JPH2: variants seen among roughly 807,000 people sequenced by gnomAD.
JPH2 encodes junctophilin-2.
A neutral mutation model predicts 55.9 loss-of-function variants in JPH2; 38 were observed. The ratio of observed to expected loss-of-function variants is 0.68; its 90% confidence interval spans 0.52 to 0.89. JPH2 has a LOEUF of 0.89. Among genes scored for constraint, JPH2 ranks in the 40% least tolerant of loss-of-function variants. The pLI, the probability that JPH2 is intolerant of heterozygous loss-of-function variation, is 0.00. For missense variants in JPH2, 964 were observed against 1,037.6 expected, an observed-to-expected ratio of 0.93 and a Z score of 0.97; for synonymous variants, 480 against 472.4, an observed-to-expected ratio of 1.02 and a Z score of -0.21.
In JPH2 at chr20:44,159,979, C is replaced by T; in HGVS notation, c.808G>A (p.Ala270Thr). ...GGTGCGGCCTCGTCGGCGCCCTCGG[C>T]GGCCTCTCCCAGGCTGGCGGTGGAC... ...AASTASLGEA[A>T]EGADEAAPFE... Residue 270 changes from alanine (A) to threonine (T), a missense_variant, in exon 2 of 6, where the codon GCC (alanine) becomes ACC (threonine). Ala to Thr is a moderately conservative substitution (Grantham distance 58, BLOSUM62 0). Coordinates refer to ENST00000372980, the MANE Select transcript of JPH2 (RefSeq NM_020433.5). The surrounding 1 kb of genome is among the most constrained non-coding windows in gnomAD (Gnocchi z 5.7). 2 of 1,590,840 alleles carry T rather than the reference C, an allele frequency of 1.3e-6. No homozygotes were observed. Among genetic ancestry groups the T allele is most frequent in the Non-Finnish European group, 1.7e-6 (2 of 1,173,136 alleles).
intron 2 of JPH2, among the ~76,000 whole-genome samples, chr20:44,144,864 C>T (rs1484080646): frequency 2.0e-5 from 3 of 152,216 alleles, no homozygotes; most frequent in African/African-American, 7.2e-5. Context: ...CTCAGAGATG[C>T]CCTGTCCATG....
At chr20:44,128,048 GT>G (rs760838257) in intron 2 of JPH2, among the ~76,000 whole-genome samples, 70 of 152,062 alleles carry the variant, frequency 4.6e-4, no homozygotes, top group Non-Finnish European at 1.0e-3. Context: ...TTTACAAATA[GT>G]TTTCCCATTC....
In JPH2 at chr20:44,160,088, T is replaced by C; in HGVS notation, c.699A>G (p.Ala233=). 1 of 1,531,878 alleles carries C rather than the reference T, an allele frequency of 6.5e-7. No homozygotes were observed. The highest frequency in any genetic ancestry group is 1.4e-5 in the African/African-American group (1 of 72,920). The allele number at this position is 1,531,878 out of a possible 1,614,324, so 94.9% of individuals were successfully genotyped here. ...GGCTACCCACGGACGTGCGCGACTC[T>C]GCGCGCCGCAGCTTGCCCAGCAGCG... ...RGALLGKLRR[A]ESRTSVGSQR... The change falls in exon 2 of 6, where the codon GCA becomes GCG. Residue 233 remains alanine, a synonymous_variant. Coordinates refer to ENST00000372980, the MANE Select transcript of JPH2 (RefSeq NM_020433.5). This position sits in a 1 kb window ranked among gnomAD's most constrained non-coding sequence, Gnocchi z 4.9.
chr20:44,136,230 T>C (rs1397689514), intron 2 of JPH2, among the ~76,000 whole-genome samples: 2 of 152,194 alleles, frequency 1.3e-5, no homozygotes, highest in African/African-American at 4.8e-5. Context: ...TTGGGGAACC[T>C]GGAGGCCTCA....
rs1555855732 is a variant in JPH2 at position 44,134,355 on chromosome 20, T to TTTATA, written c.1170-15733_1170-15732insTATAA. 7.9e-4 allele frequency among the ~76,000 whole-genome samples: 4 copies of TTTATA among 5,050 alleles called. 2 individuals are homozygous for TTTATA. Among genetic ancestry groups the TTTATA allele is most frequent in the Admixed American group, 8.7e-3 (2 of 230 alleles). 3.3% of individuals were successfully genotyped at this position (5,050 alleles called of 152,430 possible). ...ATATATAATAAATATTTATTATAAA[T>TTTATA]ATATATATTTATTATAAATATATAT... On this transcript the variant is annotated intron_variant, in intron 2 of 5. Coordinates refer to ENST00000372980, the MANE Select transcript of JPH2 (RefSeq NM_020433.5).
At position 44,108,730 on chromosome 20, in the gene JPH2, G is replaced by A. The variant is rs767494614; in HGVS notation, c.*4788C>T. Reference sequence around the variant, plus strand: ...GAATGGTGAATGTTCTGACACATGAGGTGCCCTGGCATCTGTTGCCGTACA... The same window carrying A: ...GAATGGTGAATGTTCTGACACATGAAGTGCCCTGGCATCTGTTGCCGTACA... On this transcript the variant is annotated 3_prime_UTR_variant, in exon 6 of 6. Transcript: ENST00000372980. Among the ~76,000 whole-genome samples the A allele has an allele frequency of 1.3e-5, 2 of 152,058 alleles. No homozygotes were observed. Among genetic ancestry groups the A allele is most frequent in the African/African-American group, 2.4e-5 (1 of 41,392 alleles).
Position 44,118,044 on chromosome 20 carries a change from T to C in JPH2, c.1288+461A>G, listed in dbSNP as rs1352642843. Among the ~76,000 whole-genome samples the C allele has an allele frequency of 2.6e-5, 4 of 152,246 alleles. No individual in the cohort carries two copies. The East Asian group carries it at 5.8e-4, about 22-fold the overall frequency. On this transcript the variant is annotated intron_variant, in intron 3 of 5. Transcript: ENST00000372980. ...TTTGAATGAATGCAGAGTCTGTTTA[T>C]GGTACCCCTAGCTCTGTTGTTTTTG... is the stretch of plus-strand genomic sequence containing the variant.
At chr20:44,126,501 T>TC (rs948374642) in intron 2 of JPH2, among the ~76,000 whole-genome samples, 6 of 151,944 alleles carry the variant, frequency 3.9e-5, no homozygotes, top group Non-Finnish European at 7.4e-5. Flanking sequence ...TAGCCCCTCA[T>TC]CCCCAGCTCT....
At chr20:44,121,308 T>C (rs2145842566) in intron 2 of JPH2, among the ~76,000 whole-genome samples, 1 of 152,186 alleles carries the variant, frequency 6.6e-6, no homozygotes, top group African/African-American at 2.4e-5. Flanking sequence ...CAAGTCAGAG[T>C]GTCCACTCTC....
intron 2 of JPH2, among the ~76,000 whole-genome samples, chr20:44,150,849 G>C (rs918167666): frequency 6.6e-6 from 1 of 151,966 alleles, no homozygotes; most frequent in African/African-American, 2.4e-5. Flanking sequence ...AACATAGCAA[G>C]ACCTCGTCTC....
At chr20:44,149,406 G>A (rs545959267) in intron 2 of JPH2, among the ~76,000 whole-genome samples, 1 of 152,356 alleles carries the variant, frequency 6.6e-6, no homozygotes, top group South Asian at 2.1e-4. Context: ...GTAGCATATA[G>A]CACACATATA....
At position 44,108,870 on chromosome 20, in the gene JPH2, G is replaced by A. The variant is rs116434067; in HGVS notation, c.*4648C>T. On this transcript the variant is annotated 3_prime_UTR_variant, in exon 6 of 6. Transcript: ENST00000372980. ...AAATCACGACACTCTCTCCAGACCT[G>A]TTTCCCCATATGAAAAACAGGGGGC... Among the ~76,000 whole-genome samples the A allele has an allele frequency of 1.3e-5, 2 of 152,108 alleles. No individual in the cohort carries two copies. The highest frequency in any genetic ancestry group is 4.8e-5 in the African/African-American group (2 of 41,398).
Position 44,107,811 on chromosome 20 carries a change from A to T in JPH2, c.*5707T>A, listed in dbSNP as rs895787695. ...GAGATACAGGGTTGTGTAGTTAGCA[A>T]CTGGGCCTTGAGGGAGAGGTCTGAT... On this transcript the variant is annotated 3_prime_UTR_variant, in exon 6 of 6. Transcript: ENST00000372980. Among the ~76,000 whole-genome samples the T allele has an allele frequency of 6.6e-6, 1 of 152,208 alleles. No homozygotes were observed. The highest frequency in any genetic ancestry group is 2.4e-5 in the African/African-American group (1 of 41,460).
Position 44,109,283 on chromosome 20 carries a change from C to T in JPH2, c.*4235G>A, listed in dbSNP as rs904070816. On this transcript the variant is annotated 3_prime_UTR_variant, in exon 6 of 6. Transcript: ENST00000372980. ...GACGAATACCTACACCATGGAGATA[C>T]TGCGAAGAATGGAAAATAGCAGTGC... Among the ~76,000 whole-genome samples the T allele has an allele frequency of 1.3e-5, 2 of 152,250 alleles. No homozygotes were observed. Among genetic ancestry groups the T allele is most frequent in the African/African-American group, 4.8e-5 (2 of 41,462 alleles).
chr20:44,155,503 TC>T (rs1262283313), intron 2 of JPH2, among the ~76,000 whole-genome samples: 1 of 152,116 alleles, frequency 6.6e-6, no homozygotes, highest in African/African-American at 2.4e-5. Flanking sequence ...AGGTAGATAT[TC>T]CCCCCTCCAA....
At chr20:44,162,787 T>TACACACACACAC (rs765198116) in intron 1 of JPH2, among the ~76,000 whole-genome samples, 22 of 41,004 alleles carry the variant, frequency 5.4e-4, no homozygotes, top group East Asian at 4.1e-3. Flanking sequence ...TATATATATA[T>TACACACACACAC]ACACACACAC....
Position 44,116,186 on chromosome 20 carries a change from G to A in JPH2, c.1489C>T (p.Pro497Ser), listed in dbSNP as rs1413237923. Residue 497 changes from proline to serine, a missense_variant, in exon 4 of 6, where the codon CCC becomes TCC. Pro to Ser is a moderately conservative substitution (Grantham distance 74, BLOSUM62 -1). Transcript: ENST00000372980. ...PAGTPPQPKR[P>S]RPGVSKDGLL... ...CCGTCCTTGGACACCCCGGGCCTGGGCCGCTTGGGCTGCGGGGGCGTCCCG... is the reference window on the plus strand; with the variant it reads ...CCGTCCTTGGACACCCCGGGCCTGGACCGCTTGGGCTGCGGGGGCGTCCCG... The A allele has an allele frequency of 2.2e-6, 3 of 1,392,416 alleles. No homozygotes were observed. The East Asian group carries it at 8.7e-5, about 41-fold the overall frequency. The allele number at this position is 1,392,416 out of a possible 1,614,324, so 86.3% of individuals were successfully genotyped here. A position where few individuals can be genotyped will look rare whatever the true frequency, so the allele number is the denominator to read the frequency against.
intron 1 of JPH2, among the ~76,000 whole-genome samples, chr20:44,165,315 C>T (rs958545342): frequency 3.3e-5 from 5 of 150,556 alleles, no homozygotes; most frequent in Non-Finnish European, 7.4e-5. Flanking sequence ...AAAAAAACAA[C>T]CCAGCATAGC....
At chr20:44,131,537 G>A (rs1276225328) in intron 2 of JPH2, among the ~76,000 whole-genome samples, 1 of 152,156 alleles carries the variant, frequency 6.6e-6, no homozygotes, top group Non-Finnish European at 1.5e-5. Context: ...GATAATAATA[G>A]TGCCTACATC....
Sources: gnomAD v4.1 joint callset for allele counts (sites outside exome capture counted in the v4.1 genomes callset) on GRCh38, gnomAD v4.1.1 for gene constraint, Gnocchi (gnomAD v3.1) non-coding constraint, MANE v1.5 for transcripts, NCBI Gene and HGNC (gene_info 2026-07-23, HGNC 2026-07-21) for gene names.